The following TULP4 variants were observed in gnomAD, a reference collection of about 807,000 sequenced individuals.
TULP4 encodes the protein TUB like protein 4.
Under a neutral mutation model 129.0 loss-of-function variants are expected in TULP4, and 16 were observed. The observed-to-expected ratio is 0.12, with a 90% confidence interval of 0.08 to 0.19. The LOEUF is 0.19. Among genes scored for constraint, TULP4 ranks in the 10% least tolerant of loss-of-function variants. The probability of loss-of-function intolerance (pLI) is 1.00; values close to 1 mark genes in which losing one functional copy is unlikely to be tolerated. For synonymous variants in TULP4, 998 were observed against 854.0 expected, an observed-to-expected ratio of 1.17 and a Z score of -2.94; for missense variants, 1,842 against 2,059.1, an observed-to-expected ratio of 0.89 and a Z score of 2.04.
At chr6:158,452,825 A>G (rs1779193750) in intron 5 of TULP4, among the ~76,000 whole-genome samples, 1 of 152,206 alleles carries the variant, frequency 6.6e-6, no homozygotes, top group Non-Finnish European at 1.5e-5. Flanking sequence ...GAGTGTTGTT[A>G]TCTCAAAAGA....
chr6:158,252,957 A>G (rs1347649549), intron 1 of TULP4, among the ~76,000 whole-genome samples: 1 of 152,190 alleles, frequency 6.6e-6, no homozygotes, highest in African/African-American at 2.4e-5. Context: ...ATTTAGATGG[A>G]AAATAATCTT....
chr6:158,441,917 C>G lies in TULP4; in HGVS notation c.544-7079C>G, dbSNP rs550346973. On this transcript the variant is annotated intron_variant, in intron 3 of 13. Transcript: ENST00000367097. ...TGTTTGATAGGGCCCATCTCCCAGG[C>G]TTTGTGAGAGAGTAGGGGCCTAATT... Among the ~76,000 whole-genome samples the G allele has an allele frequency of 1.2e-4, 18 of 152,308 alleles. No homozygotes were observed. The South Asian group carries it at 3.7e-3, about 32-fold the overall frequency.
chr6:158,396,872 C>T (rs1473580633), intron 1 of TULP4, among the ~76,000 whole-genome samples: 1 of 152,114 alleles, frequency 6.6e-6, no homozygotes, highest in Non-Finnish European at 1.5e-5. Context: ...CCCGAGAAAT[C>T]GGTGGAGGCT....
chr6:158,483,586 A>G (rs1156591374), intron 8 of TULP4, among the ~76,000 whole-genome samples: 7 of 152,274 alleles, frequency 4.6e-5, no homozygotes, highest in Admixed American at 1.3e-4. Flanking sequence ...TGGCCTCCCA[A>G]AGTGCTAGGA....
chr6:158,371,619 A>T (rs941040606), intron 1 of TULP4, among the ~76,000 whole-genome samples: 2 of 152,206 alleles, frequency 1.3e-5, no homozygotes, highest in African/African-American at 4.8e-5. Context: ...GTGGAGGCTG[A>T]CAAGAGAGAT....
At chr6:158,255,862 A>G (rs1778232018) in intron 1 of TULP4, among the ~76,000 whole-genome samples, 1 of 152,250 alleles carries the variant, frequency 6.6e-6, no homozygotes, top group Admixed American at 6.5e-5. Context: ...ATGAAGAAGT[A>G]CAGGGTATAA....
intron 6 of TULP4, among the ~76,000 whole-genome samples, chr6:158,469,168 C>T (rs535844226): frequency 7.2e-5 from 11 of 151,966 alleles, no homozygotes; most frequent in South Asian, 6.2e-4. Context: ...AAATCCAGAA[C>T]GGTGAAAATA....
intron 1 of TULP4, among the ~76,000 whole-genome samples, chr6:158,358,652 G>A (rs925165238): frequency 5.3e-5 from 8 of 152,152 alleles, no homozygotes; most frequent in East Asian, 3.8e-4. Flanking sequence ...TATGAGAAAC[G>A]GTTCTGCACT....
At chr6:158,319,793 T>G (rs1779583815) in intron 1 of TULP4, among the ~76,000 whole-genome samples, 1 of 152,228 alleles carries the variant, frequency 6.6e-6, no homozygotes, top group Non-Finnish European at 1.5e-5. Context: ...TCTCACATTG[T>G]GTATTCTGTT....
chr6:158,450,096 T>C (rs981302587), intron 4 of TULP4, among the ~76,000 whole-genome samples: 3 of 152,210 alleles, frequency 2.0e-5, no homozygotes. Context: ...TCATCCTCCA[T>C]GGTATGGAAC....
intron 1 of TULP4, among the ~76,000 whole-genome samples, chr6:158,283,659 G>T (rs1280332714): frequency 6.6e-6 from 1 of 152,304 alleles, no homozygotes; most frequent in Admixed American, 6.5e-5. Context: ...CCAGTAAATA[G>T]AATCATTATA....
intron 1 of TULP4, among the ~76,000 whole-genome samples, chr6:158,321,365 C>T (rs1413311432): frequency 6.6e-6 from 1 of 152,084 alleles, no homozygotes; most frequent in African/African-American, 2.4e-5. Context: ...TGTATTTCCT[C>T]TCTATGTTGG....
At chr6:158,236,971 C>G (rs962653932) in intron 1 of TULP4, among the ~76,000 whole-genome samples, 5 of 151,798 alleles carry the variant, frequency 3.3e-5, no homozygotes, top group African/African-American at 1.2e-4. Flanking sequence ...CCACCACACC[C>G]AGCTAATTTT....
rs191219013 is a variant in TULP4 at position 158,296,868 on chromosome 6, A to G, written n.116+14490A>G. ...TACATGCTTTAAGGGGCAAAAAAGC[A>G]GAGCAAAGATCACATGCTTCTGAGG... On this transcript the variant is annotated intron_variant and non_coding_transcript_variant, in intron 1 of 1. Transcript: ENST00000432358. 3.7e-3 allele frequency among the ~76,000 whole-genome samples: 568 copies of G among 152,264 alleles called. 4 individuals are homozygous for G. Among genetic ancestry groups the G allele is most frequent in the African/African-American group, 0.013 (541 of 41,546 alleles).
Position 158,313,032 on chromosome 6 carries a change from G to A in TULP4, c.-985G>A, listed in dbSNP as rs1045022404. On this transcript the variant is annotated 5_prime_UTR_variant, in exon 1 of 14. Coordinates refer to ENST00000367097, the MANE Select transcript of TULP4 (RefSeq NM_020245.5). ...GAAAAAGATCTTTAGGAGCAGAAAA[G>A]GGGAGTGCTAACTGGGGGAGCGAGA... 1 of 155,456 alleles carries A rather than the reference G, an allele frequency of 6.4e-6. No individual in the cohort carries two copies. Among genetic ancestry groups the A allele is most frequent in the African/African-American group, 2.4e-5 (1 of 41,596 alleles). The allele number at this position is 155,456 out of a possible 1,614,324, so 9.6% of individuals were successfully genotyped here.
chr6:158,427,471 C>CTTT lies in TULP4; in HGVS notation c.382-2226_382-2224dup, dbSNP rs557678837. Among the ~76,000 whole-genome samples, 676 of 74,124 alleles carry CTTT rather than the reference C, an allele frequency of 9.1e-3. 143 individuals carry two copies. The highest frequency in any genetic ancestry group is 0.015 in the African/African-American group (247 of 16,108). 48.6% of individuals were successfully genotyped at this position (74,124 alleles called of 152,430 possible). On this transcript the variant is annotated intron_variant, in intron 2 of 13. Transcript: ENST00000367097. ...AAATTCCTTTTCAAAATTATCAGAC[C>CTTT]TTTTTTTTTTTTTTTTTTTTTTTTT...
rs575683398 is a variant in TULP4 at position 158,288,485 on chromosome 6, T to TA, written n.116+6117dup. Among the ~76,000 whole-genome samples the TA allele has an allele frequency of 2.5e-4, 37 of 147,514 alleles. 1 individual carries two copies. In the South Asian group the frequency reaches 4.5e-3, roughly 18 times the overall value. The stretch of plus-strand genomic sequence containing the variant: ...GAAATTCTCTTCCTAATTTGGAATC[T>TA]AAAAAAAAAATGAGTGTTGAATTTT... On this transcript the variant is annotated intron_variant and non_coding_transcript_variant, in intron 1 of 1. Transcript: ENST00000432358.
intron 2 of TULP4, among the ~76,000 whole-genome samples, chr6:158,428,857 T>C (rs1778562629): frequency 1.3e-5 from 2 of 152,230 alleles, no homozygotes; most frequent in South Asian, 4.1e-4. Flanking sequence ...CTGAGTCTTC[T>C]CTGTAGATGA....
At chr6:158,384,812 C>G (rs970437194) in intron 1 of TULP4, among the ~76,000 whole-genome samples, 1 of 152,156 alleles carries the variant, frequency 6.6e-6, no homozygotes, top group Non-Finnish European at 1.5e-5. Context: ...GCAAGATATT[C>G]AGGGACTTGT....
Sources: gnomAD v4.1 joint callset for allele counts (sites outside exome capture counted in the v4.1 genomes callset) on GRCh38, gnomAD v4.1.1 for gene constraint, MANE v1.5 for transcripts, NCBI Gene and HGNC (gene_info 2026-07-23, HGNC 2026-07-21) for gene names.